Variants in DNAH14 observed in about 807,000 individuals in gnomAD.
DNAH14 encodes axonemal beta dynein heavy chain 14.
In DNAH14, 478 loss-of-function variants were observed where a neutral mutation model predicts 520.9. The observed-to-expected ratio is 0.92, with a 90% CI of 0.85 to 0.99. The LOEUF is 0.99. Among genes scored for constraint, DNAH14 ranks in the 50% least tolerant of loss-of-function variants. The pLI, the probability that DNAH14 is intolerant of heterozygous loss-of-function variation, is 0.00. For synonymous variants in DNAH14, 1,581 were observed against 1,757.2 expected (o/e 0.90, Z 2.51); for missense variants, 4,831 against 5,234.5 (o/e 0.92, Z 2.38).
intron 11 of DNAH14, among the ~76,000 whole-genome samples, chr1:225,033,289 T>C (rs2066682411): frequency 6.6e-6 from 1 of 152,240 alleles, no homozygotes; most frequent in Non-Finnish European, 1.5e-5. Context: ...TTCAATCTTC[T>C]GCATATGGCT....
chr1:225,197,671 A>G (rs1056066739), intron 38 of DNAH14, among the ~76,000 whole-genome samples: 1 of 152,148 alleles, frequency 6.6e-6, no homozygotes, highest in African/African-American at 2.4e-5. Context: ...CTACCCATCC[A>G]TGAGCATGGA....
At chr1:225,375,838 G>A (rs1450978671) in intron 78 of DNAH14, among the ~76,000 whole-genome samples, 2 of 151,748 alleles carry the variant, frequency 1.3e-5, no homozygotes, top group Non-Finnish European at 2.9e-5. Context: ...TGTAATCCCA[G>A]CACTTTGGGA....
At chr1:225,002,689 A>G (rs2147804876) in intron 8 of DNAH14, 94 bp from the exon 9 acceptor site, 1 of 1,166,534 alleles carries the variant, frequency 8.6e-7, no homozygotes, top group Non-Finnish European at 1.2e-6. Flanking sequence ...CATTTCAACT[A>G]TAAGGATATT....
intron 4 of DNAH14, among the ~76,000 whole-genome samples, chr1:224,961,854 G>T (rs536985807): frequency 1.3e-5 from 2 of 152,152 alleles, no homozygotes; most frequent in East Asian, 3.9e-4. Context: ...TTTGAAATTG[G>T]TATCTAGTGT....
intron 31 of DNAH14, among the ~76,000 whole-genome samples, chr1:225,150,840 A>C (rs1355398736): frequency 6.6e-6 from 1 of 151,750 alleles, no homozygotes. Flanking sequence ...AGCAATTCTC[A>C]TGCTGGTATT....
At chr1:224,985,595 AC>A (rs1403291587) in intron 8 of DNAH14, among the ~76,000 whole-genome samples, 2 of 152,136 alleles carry the variant, frequency 1.3e-5, no homozygotes, top group Non-Finnish European at 2.9e-5. Flanking sequence ...TACCACCTGT[AC>A]CCCAATAACT....
chr1:225,327,728 G>C (rs1203247331), intron 64 of DNAH14, among the ~76,000 whole-genome samples: 1 of 151,568 alleles, frequency 6.6e-6, no homozygotes, highest in African/African-American at 2.4e-5. Context: ...GATTAGAGTA[G>C]AGATAAACAA....
At chr1:225,382,242 A>C (rs1429320123) in intron 81 of DNAH14, among the ~76,000 whole-genome samples, 2 of 152,252 alleles carry the variant, frequency 1.3e-5, no homozygotes, top group African/African-American at 2.4e-5. Context: ...AAAGAATTAA[A>C]AATACATAAA....
intron 57 of DNAH14, 89 bp from the exon 58 acceptor site, chr1:225,304,819 T>G: frequency 3.5e-6 from 4 of 1,146,996 alleles, no homozygotes; most frequent in South Asian, 3.6e-5. Context: ...AATAATAAGC[T>G]ATTTTAATTA....
intron 43 of DNAH14, among the ~76,000 whole-genome samples, chr1:225,244,397 CTAGTGTTTGGAA>C (rs2092152050): frequency 6.6e-6 from 1 of 152,108 alleles, no homozygotes; most frequent in Admixed American, 6.5e-5. Flanking sequence ...CCCTCTTTTT[CTAGTGTTTGGAA>C]TAGTTTCAGA....
At chr1:225,290,112 GAA>G in intron 55 of DNAH14, 30 bp downstream of exon 55, 7 of 1,336,700 alleles carry the variant, frequency 5.2e-6, no homozygotes, top group Non-Finnish European at 6.8e-6. Context: ...GCTATTTGCT[GAA>G]GTTTGATATC....
intron 62 of DNAH14, among the ~76,000 whole-genome samples, chr1:225,323,782 AG>A (rs2094599801): frequency 6.6e-6 from 1 of 151,748 alleles, no homozygotes; most frequent in Non-Finnish European, 1.5e-5. Context: ...TTTTGTACCC[AG>A]GCATGTGTCT....
intron 44 of DNAH14, among the ~76,000 whole-genome samples, chr1:225,253,984 A>G (rs1365544742): frequency 6.6e-6 from 1 of 152,188 alleles, no homozygotes; most frequent in Non-Finnish European, 1.5e-5. Flanking sequence ...GATTAGATCT[A>G]GACAGCGGGA....
At chr1:225,335,609 A>C (rs1313268899) in intron 66 of DNAH14, among the ~76,000 whole-genome samples, 2 of 146,592 alleles carry the variant, frequency 1.4e-5, no homozygotes, top group Non-Finnish European at 3.0e-5. Flanking sequence ...GCATACGTAT[A>C]TGTGTATATA....
chr1:225,082,850 G>C (rs1327990833), intron 20 of DNAH14, 111 bp downstream of exon 20: 2 of 860,566 alleles, frequency 2.3e-6, no homozygotes, highest in African/African-American at 3.4e-5. Flanking sequence ...GTTTATAAGA[G>C]TGCCTGGGAA....
At chr1:225,168,939 C>T (rs2082318476) in intron 36 of DNAH14, among the ~76,000 whole-genome samples, 2 of 152,144 alleles carry the variant, frequency 1.3e-5, no homozygotes, top group South Asian at 4.1e-4. Flanking sequence ...CCGGGTACTC[C>T]TCTGAGAAAA....
chr1:225,222,211 A>G (rs1011294359), intron 41 of DNAH14, among the ~76,000 whole-genome samples: 3 of 152,212 alleles, frequency 2.0e-5, no homozygotes, highest in Admixed American at 6.5e-5. Flanking sequence ...CGCTGTCAGT[A>G]AGTCAGTAAG....
chr1:225,281,343 T>G (rs190922366), intron 54 of DNAH14, among the ~76,000 whole-genome samples: 1,491 of 131,632 alleles, frequency 0.011, 26 homozygotes, highest in African/African-American at 0.033. Flanking sequence ...AGTCATAACA[T>G]CTCTCTCTCT....
At chr1:225,357,786 C>G in intron 73 of DNAH14, 1 of 702,134 alleles carries the variant, frequency 1.4e-6, no homozygotes, top group Non-Finnish European at 2.6e-6. Context: ...ACGTGTGTAG[C>G]TTCAGTTTTG....
Sources: allele counts gnomAD v4.1 joint callset (sites outside exome capture counted in the v4.1 genomes callset), GRCh38; gene constraint gnomAD v4.1.1; transcripts MANE v1.5; gene names NCBI Gene and HGNC (gene_info 2026-07-23, HGNC 2026-07-21).